Variants in GATA6 observed in about 807,000 individuals in gnomAD.
GATA6 encodes the protein GATA binding protein 6.
A neutral mutation model predicts 48.1 loss-of-function variants in GATA6; 11 were observed. The ratio of observed to expected loss-of-function variants is 0.23; its 90% CI spans 0.14 to 0.38. The LOEUF (loss-of-function observed/expected upper bound fraction) is 0.38. GATA6 is among the 10% of genes least tolerant of loss of function. GATA6 has a pLI of 1.00. For synonymous variants in GATA6, 419 were observed against 396.1 expected, an observed-to-expected ratio of 1.06 and a Z score of -0.69; for missense variants, 795 against 850.3, an observed-to-expected ratio of 0.93 and a Z score of 0.81.
Position 22,170,815 on chromosome 18 carries a change from CGGCCGA to C in GATA6, c.-37-290_-37-285del, listed in dbSNP as rs2033023526. 1 of 433,640 alleles carries C rather than the reference CGGCCGA, an allele frequency of 2.3e-6. No individual in the cohort carries two copies. The highest frequency in any genetic ancestry group is 4.2e-6 in the Non-Finnish European group (1 of 240,202). The allele number at this position is 433,640 out of a possible 1,614,324, so 26.9% of individuals were successfully genotyped here. The stretch of plus-strand genomic sequence containing the variant: ...CTGGCGCGCGCACGGAGAAAGGATG[CGGCCGA>C]GGGGGTGGGCGGGGAGGACGCGGGG... On this transcript the variant is annotated intron_variant, in intron 1 of 6. Transcript: ENST00000269216. The surrounding 1 kb of genome is among the most constrained non-coding windows in gnomAD (Gnocchi z 6.7).
intron 4 of GATA6, among the ~76,000 whole-genome samples, chr18:22,182,366 T>C (rs2033208902): frequency 6.7e-6 from 1 of 148,400 alleles, no homozygotes; most frequent in African/African-American, 2.6e-5. Context: ...TTTTTTTTTT[T>C]CTTGTTTTGA....
intron 6 of GATA6, among the ~76,000 whole-genome samples, chr18:22,189,123 T>C (rs2033297863): frequency 6.6e-6 from 1 of 152,190 alleles, no homozygotes; most frequent in African/African-American, 2.4e-5. Flanking sequence ...CCGTCCCCTG[T>C]GTGCTTCTGG....
chr18:22,198,340 G>A (rs541877840), intron 6 of GATA6, among the ~76,000 whole-genome samples: 1 of 152,118 alleles, frequency 6.6e-6, no homozygotes, highest in Non-Finnish European at 1.5e-5. Flanking sequence ...CAAAGTGTTG[G>A]GATTAAAGGC....
In GATA6 at chr18:22,171,754, C is replaced by A; in HGVS notation, c.610C>A (p.His204Asn). 1 of 1,437,198 alleles carries A rather than the reference C, an allele frequency of 7.0e-7. No individual in the cohort carries two copies. The highest frequency in any genetic ancestry group is 9.0e-7 in the Non-Finnish European group (1 of 1,105,538). The allele number at this position is 1,437,198 out of a possible 1,614,324, so 89.0% of individuals were successfully genotyped here. A position where few individuals can be genotyped will look rare whatever the true frequency, so the allele number is the denominator to read the frequency against. ...TTCCATGCTGCCCGGCCTACCGTAC[C>A]ACCTGCAGGGGTCGGGCAGTGGGCC... ...VGSMLPGLPY[H>N]LQGSGSGPAN... is the part of the protein sequence containing the mutation. Residue 204 changes from histidine (H) to asparagine (N), a missense_variant, in exon 2 of 7, where the codon CAC (histidine) becomes AAC (asparagine). Around this residue, in one of 5 missense-constraint regions of GATA6, gnomAD observed 591 missense variants for 570.0 expected, o/e 1.04. Coordinates refer to ENST00000269216, the MANE Select transcript of GATA6 (RefSeq NM_005257.6). This position sits in a 1 kb window ranked among gnomAD's most constrained non-coding sequence, Gnocchi z 7.1.
chr18:22,186,902 A>G (rs983146431), intron 6 of GATA6, among the ~76,000 whole-genome samples: 4 of 152,116 alleles, frequency 2.6e-5, no homozygotes, highest in African/African-American at 7.2e-5. Context: ...CCACCTTATG[A>G]CTCAGTTTCT....
chr18:22,177,617 T>C (rs2033140045), intron 3 of GATA6, among the ~76,000 whole-genome samples: 1 of 152,166 alleles, frequency 6.6e-6, no homozygotes, highest in African/African-American at 2.4e-5. Context: ...GTGTATGGTT[T>C]AGATTTTATG....
chr18:22,177,304 C>T (rs2033135598), intron 3 of GATA6, among the ~76,000 whole-genome samples, 183 bp downstream of exon 3: 1 of 152,156 alleles, frequency 6.6e-6, no homozygotes, highest in South Asian at 2.1e-4. Context: ...CAACGCCCAC[C>T]CGCTGGCGCC....
At position 22,171,848 on chromosome 18, in the gene GATA6, A is replaced by T. The variant is rs1256474058; in HGVS notation, c.704A>T (p.Tyr235Phe). 1 of 1,187,334 alleles carries T rather than the reference A, an allele frequency of 8.4e-7. No individual in the cohort carries two copies. Among genetic ancestry groups the T allele is most frequent in the South Asian group, 4.2e-5 (1 of 23,860 alleles). 73.5% of individuals were successfully genotyped at this position (1,187,334 alleles called of 1,614,324 possible). The change falls in exon 2 of 7, where the codon TAC (tyrosine) becomes TTC (phenylalanine). Residue 235 changes from tyrosine to phenylalanine, a missense_variant. Around this residue, in one of 5 missense-constraint regions of GATA6, gnomAD observed 591 missense variants for 570.0 expected, o/e 1.04. Transcript: ENST00000269216. This position sits in a 1 kb window ranked among gnomAD's most constrained non-coding sequence, Gnocchi z 7.1. Reference sequence around the variant, plus strand: ...CAGGCCTCGGCCGACAGCCCTCCATACGGCAGCGGAGGCGGCGCGGCTGGC... The same window carrying T: ...CAGGCCTCGGCCGACAGCCCTCCATTCGGCAGCGGAGGCGGCGCGGCTGGC... ...WPQASADSPP[Y>F]GSGGGAAGGG...
intron 6 of GATA6, among the ~76,000 whole-genome samples, chr18:22,186,645 G>T (rs1234377522): frequency 6.6e-6 from 1 of 152,172 alleles, no homozygotes; most frequent in Non-Finnish European, 1.5e-5. Context: ...GTCTATCGTG[G>T]TTGTCTGCTT....
intron 6 of GATA6, among the ~76,000 whole-genome samples, chr18:22,184,254 T>A (rs771046168): frequency 6.6e-6 from 1 of 152,148 alleles, no homozygotes; most frequent in Non-Finnish European, 1.5e-5. Context: ...TTCTTTGTCC[T>A]CCTACCCAAA....
intron 6 of GATA6, among the ~76,000 whole-genome samples, chr18:22,186,725 C>T (rs527551289): frequency 4.6e-4 from 70 of 152,326 alleles, no homozygotes; most frequent in African/African-American, 1.5e-3. Context: ...TCCTAGTGCA[C>T]GGCATTCTTC....
chr18:22,200,634 CTG>C lies in GATA6; in HGVS notation c.1621-18_1621-17del. ...CGCTTCTCACCTTCTCGTCTCTCCTCTGTGTCCCCCTCTTCTGCCAGGCGGGT... is the reference window on the plus strand; with the variant it reads ...CGCTTCTCACCTTCTCGTCTCTCCTCTGTCCCCCTCTTCTGCCAGGCGGGT... On this transcript the variant is annotated intron_variant, in intron 6 of 6. Coordinates refer to ENST00000269216, the MANE Select transcript of GATA6 (RefSeq NM_005257.6). The C allele has an allele frequency of 6.2e-7, 1 of 1,614,236 alleles. No individual in the cohort carries two copies. The highest frequency in any genetic ancestry group is 8.5e-7 in the Non-Finnish European group (1 of 1,180,016).
intron 2 of GATA6, among the ~76,000 whole-genome samples, chr18:22,173,969 C>T (rs2033089582): frequency 6.6e-6 from 1 of 152,198 alleles, no homozygotes; most frequent in South Asian, 2.1e-4. Flanking sequence ...GCAAAGCTGG[C>T]CCTGGAGACC....
At chr18:22,192,051 T>TATAA (rs2033333128) in intron 6 of GATA6, among the ~76,000 whole-genome samples, 1 of 152,230 alleles carries the variant, frequency 6.6e-6, no homozygotes, top group African/African-American at 2.4e-5. Context: ...TCATTAAATT[T>TATAA]AGTTGCTTGA....
intron 6 of GATA6, 65 bp downstream of exon 6, chr18:22,183,108 T>A: frequency 1.6e-6 from 2 of 1,265,036 alleles, no homozygotes; most frequent in Non-Finnish European, 2.3e-6. Flanking sequence ...TATCTCAAAT[T>A]TTATCTTATC....
rs1598737578 is a variant in GATA6 at position 22,181,660 on chromosome 18, GA to G, written c.1428+85del. Reference sequence around the variant, plus strand: ...TATCAGTTACAAAGAATCAGCAAATGAAAGATACTCAAGTGAAAAATTTGAA... The same window carrying G: ...TATCAGTTACAAAGAATCAGCAAATGAAGATACTCAAGTGAAAAATTTGAA... On this transcript the variant is annotated intron_variant, in intron 4 of 6. Transcript: ENST00000269216. The G allele has an allele frequency of 2.9e-5, 44 of 1,525,832 alleles. No individual in the cohort carries two copies. The East Asian group carries it at 9.5e-4, about 33-fold the overall frequency. 94.5% of individuals were successfully genotyped at this position (1,525,832 alleles called of 1,614,324 possible).
chr18:22,171,386 G>T lies in GATA6; in HGVS notation c.242G>T (p.Ser81Ile). The stretch of plus-strand genomic sequence containing the variant: ...CCCCCGGCCCGCTCGCTGCTGCTCA[G>T]TTCCTACGCTTCGCATCCCTTCGGG... The part of the protein sequence containing the change: ...AGPPARSLLL[S>I]SYASHPFGAP... The change falls in exon 2 of 7, where the codon AGT (serine) becomes ATT (isoleucine). Residue 81 changes from serine (S) to isoleucine (I), a missense_variant. By Grantham distance (142) the Ser-to-Ile change is moderately radical. Coordinates refer to ENST00000269216, the MANE Select transcript of GATA6 (RefSeq NM_005257.6). The surrounding 1 kb of genome is among the most constrained non-coding windows in gnomAD (Gnocchi z 7.1). The T allele has an allele frequency of 6.3e-7, 1 of 1,588,428 alleles. No homozygotes were observed. The highest frequency in any genetic ancestry group is 1.1e-5 in the South Asian group (1 of 89,666).
intron 6 of GATA6, among the ~76,000 whole-genome samples, chr18:22,194,011 A>G (rs950324119): frequency 5.9e-5 from 9 of 151,852 alleles, no homozygotes; most frequent in African/African-American, 2.2e-4. Flanking sequence ...GAGTTGATCC[A>G]ATCAGAAATC....
In GATA6 at chr18:22,201,086, A is replaced by T; in HGVS notation, c.*263A>T. Reference sequence around the variant, plus strand: ...CCCTGCTCCACTTCCAGAAGCCAGGACTAGGACCTGGGCCTTGCCTGCTAT... The same window carrying T: ...CCCTGCTCCACTTCCAGAAGCCAGGTCTAGGACCTGGGCCTTGCCTGCTAT... On this transcript the variant is annotated 3_prime_UTR_variant, in exon 7 of 7. Transcript: ENST00000269216. 1 of 558,222 alleles carries T rather than the reference A, an allele frequency of 1.8e-6. No homozygotes were observed. The highest frequency in any genetic ancestry group is 2.2e-5 in the South Asian group (1 of 44,446). The allele number at this position is 558,222 out of a possible 1,614,324, so 34.6% of individuals were successfully genotyped here.
Sources: allele counts gnomAD v4.1 joint callset (sites outside exome capture counted in the v4.1 genomes callset), GRCh38; gene constraint gnomAD v4.1.1; regional missense constraint gnomAD v4.1.1; non-coding constraint Gnocchi (gnomAD v3.1); transcripts MANE v1.5; gene names NCBI Gene and HGNC (gene_info 2026-07-23, HGNC 2026-07-21).